Variants in EML4 observed in about 807,000 individuals in gnomAD.
The protein encoded by EML4 is echinoderm microtubule-associated protein-like 4.
In EML4, 72 loss-of-function variants were observed where a neutral mutation model predicts 129.0. The ratio of observed to expected loss-of-function variants is 0.56; its 90% CI spans 0.46 to 0.68. The LOEUF is 0.68. Ranked by LOEUF, EML4 falls within the 30% of genes least tolerant of loss-of-function variation. The pLI is 0.00. For synonymous variants in EML4, 532 were observed against 405.0 expected (o/e 1.31, Z -3.77); for missense variants, 1,363 against 1,190.6 (o/e 1.14, Z -2.13).
chr2:42,204,006 A>G (rs139107705), intron 1 of EML4, among the ~76,000 whole-genome samples: 13 of 152,152 alleles, frequency 8.5e-5, no homozygotes, highest in African/African-American at 3.1e-4. Flanking sequence ...CTGCACCTTG[A>G]ACTCCTGGGT....
At position 42,301,328 on chromosome 2, in the gene EML4, G is replaced by C. The variant is rs1230478318; in HGVS notation, c.1577G>C (p.Gly526Ala). ...ATGAGAAATGGGATGTTATTAACTGGAGGAGGGAAAGACAGAAAAATAATT... is the reference window on the plus strand; with the variant it reads ...ATGAGAAATGGGATGTTATTAACTGCAGGAGGGAAAGACAGAAAAATAATT... ...CQMRNGMLLTGGGKDRKIILW... is the reference protein window; with the variant it reads ...CQMRNGMLLTAGGKDRKIILW... The change falls in exon 14 of 23, where the codon GGA (glycine) becomes GCA (alanine). Residue 526 changes from glycine to alanine, a missense_variant. Gly to Ala is a moderately conservative substitution (Grantham distance 60). Coordinates refer to ENST00000318522, the MANE Select transcript of EML4 (RefSeq NM_019063.5). The C allele has an allele frequency of 6.2e-6, 10 of 1,613,302 alleles. No individual in the cohort carries two copies. Among genetic ancestry groups the C allele is most frequent in the South Asian group, 1.1e-5 (1 of 91,042 alleles).
At chr2:42,254,383 G>T (rs974227316) in intron 2 of EML4, among the ~76,000 whole-genome samples, 1 of 151,768 alleles carries the variant, frequency 6.6e-6, no homozygotes, top group East Asian at 1.9e-4. Context: ...ATTGAGCCCC[G>T]GGAGGCCGTG....
At chr2:42,172,168 G>C (rs1285794539) in intron 1 of EML4, among the ~76,000 whole-genome samples, 2 of 151,836 alleles carry the variant, frequency 1.3e-5, no homozygotes, top group African/African-American at 4.8e-5. Flanking sequence ...TTACATATTA[G>C]ATAGATTCTT....
intron 6 of EML4, among the ~76,000 whole-genome samples, chr2:42,275,289 A>G (rs576889556): frequency 3.3e-5 from 5 of 152,318 alleles, no homozygotes; most frequent in Non-Finnish European, 5.9e-5. Flanking sequence ...TCTGGTTTGT[A>G]TATTTCCAGT....
chr2:42,291,398 C>CTTTTT (rs5830720), intron 11 of EML4, among the ~76,000 whole-genome samples: 6 of 123,138 alleles, frequency 4.9e-5, no homozygotes, highest in South Asian at 5.7e-4. Flanking sequence ...ATCAAGACAC[C>CTTTTT]TTTTTTTTTT....
chr2:42,244,081 GTTTTTTGTTTTTGTTTTTTGTTTT>G (rs1558534106), intron 1 of EML4, among the ~76,000 whole-genome samples: 32 of 139,806 alleles, frequency 2.3e-4, no homozygotes, highest in East Asian at 4.0e-4. Flanking sequence ...TTTGTTTTTT[GTTTTTTGTTTTTGTTTTTTGTTTT>G]TTTTTTTTTT....
chr2:42,242,767 C>A (rs1419953018), intron 1 of EML4, among the ~76,000 whole-genome samples: 1 of 134,752 alleles, frequency 7.4e-6, no homozygotes, highest in Non-Finnish European at 1.6e-5. Flanking sequence ...TTTCTCTTTT[C>A]TTTTTTCTTT....
chr2:42,324,775 CT>C (rs2103824208), intron 19 of EML4, among the ~76,000 whole-genome samples: 1 of 152,334 alleles, frequency 6.6e-6, no homozygotes, highest in East Asian at 1.9e-4. Context: ...TGCTTAAGTG[CT>C]TATACGTGAA....
Position 42,261,279 on chromosome 2 carries a change from C to T in EML4, c.497C>T (p.Ala166Val). 6.2e-7 allele frequency: 1 copy of T among 1,612,994 alleles called. No individual in the cohort carries two copies. The highest frequency in any genetic ancestry group is 8.5e-7 in the Non-Finnish European group (1 of 1,179,418). ...IHRQTPESKN[A>V]TPTKSIKRPS... ...AGACAAACTCCAGAAAGCAAGAATG[C>T]TACTCCCACCAAAAGGTTTTAACTG... is the stretch of plus-strand genomic sequence containing the variant. Residue 166 changes from alanine (A) to valine (V), a missense_variant, in exon 4 of 23, where the codon GCT becomes GTT. Transcript: ENST00000318522.
chr2:42,314,951 CT>C (rs1275969929), intron 17 of EML4, among the ~76,000 whole-genome samples: 4 of 152,306 alleles, frequency 2.6e-5, no homozygotes, highest in African/African-American at 9.6e-5. Flanking sequence ...TACATTTTGA[CT>C]TTTCCTATAA....
At chr2:42,320,780 T>C (rs1018173159) in intron 19 of EML4, among the ~76,000 whole-genome samples, 3 of 152,168 alleles carry the variant, frequency 2.0e-5, no homozygotes, top group Non-Finnish European at 4.4e-5. Flanking sequence ...GGCTTTCTGC[T>C]TGACTCAAAT....
At chr2:42,240,947 C>T (rs1337012424) in intron 1 of EML4, among the ~76,000 whole-genome samples, 1 of 152,132 alleles carries the variant, frequency 6.6e-6, no homozygotes, top group East Asian at 1.9e-4. Flanking sequence ...GAGTTTGAGA[C>T]CAGCCTGACC....
chr2:42,320,366 G>T (rs985801565), intron 19 of EML4, among the ~76,000 whole-genome samples: 1 of 151,314 alleles, frequency 6.6e-6, no homozygotes, highest in Non-Finnish European at 1.5e-5. Context: ...TTGCTCCAGA[G>T]TCATCTGACC....
rs77897523 is a variant in EML4, at chr2:42,309,815, A to G, written c.1967+5264A>G. Among the ~76,000 whole-genome samples, 129 of 152,230 alleles carry G rather than the reference A, an allele frequency of 8.5e-4. 3 individuals carry two copies. The East Asian group carries it at 0.023, about 27-fold the overall frequency. Reference sequence around the variant, plus strand: ...CAGATCTTTTTCAAATATTTTCCTCATTCTGAGGGTGGTCTTTTCACTTTC... The same window carrying G: ...CAGATCTTTTTCAAATATTTTCCTCGTTCTGAGGGTGGTCTTTTCACTTTC... On this transcript the variant is annotated intron_variant, in intron 17 of 22. Transcript: ENST00000318522.
At chr2:42,282,752 G>A in intron 7 of EML4, 71 bp from the exon 8 acceptor site, 1 of 1,321,514 alleles carries the variant, frequency 7.6e-7, no homozygotes, top group Non-Finnish European at 1.1e-6. Flanking sequence ...AATTCCTTAA[G>A]TATCCATGAA....
At chr2:42,241,949 A>G (rs895441041) in intron 1 of EML4, among the ~76,000 whole-genome samples, 2 of 152,132 alleles carry the variant, frequency 1.3e-5, no homozygotes, top group African/African-American at 2.4e-5. Context: ...TGTATATGTT[A>G]TGCCCTTTGA....
intron 1 of EML4, among the ~76,000 whole-genome samples, chr2:42,192,245 G>GC (rs1461676185): frequency 5.5e-5 from 8 of 145,510 alleles, no homozygotes; most frequent in African/African-American, 2.0e-4. Context: ...TTTTTTTTTG[G>GC]GGGGGGGAGG....
At chr2:42,320,504 G>C (rs1669463377) in intron 19 of EML4, among the ~76,000 whole-genome samples, 1 of 152,140 alleles carries the variant, frequency 6.6e-6, no homozygotes, top group African/African-American at 2.4e-5. Flanking sequence ...ATGAGATTTA[G>C]ATGTGATGAT....
At chr2:42,199,623 G>T (rs1672101294) in intron 1 of EML4, among the ~76,000 whole-genome samples, 1 of 152,170 alleles carries the variant, frequency 6.6e-6, no homozygotes, top group South Asian at 2.1e-4. Context: ...GTGGTGTCGT[G>T]TGGAAAAGTT....
Sources: allele counts gnomAD v4.1 joint callset (sites outside exome capture counted in the v4.1 genomes callset), GRCh38; gene constraint gnomAD v4.1.1; transcripts MANE v1.5; gene names NCBI Gene and HGNC (gene_info 2026-07-23, HGNC 2026-07-21).